RLN1: variants seen among roughly 807,000 people sequenced by gnomAD.
RLN1 encodes relaxin 1, also known as prorelaxin H1.
RLN1 carries 4 observed loss-of-function variants against 7.2 expected under a neutral mutation model. That is an observed-to-expected ratio of 0.56 (90% CI 0.28 to 1.28). RLN1 has a LOEUF of 1.28. Ranked by LOEUF, RLN1 falls within the 50% of genes most tolerant of loss-of-function variation. The pLI is 0.11. For missense variants in RLN1, 293 were observed against 221.1 expected, an observed-to-expected ratio of 1.32 and a Z score of -2.06; for synonymous variants, 105 against 86.0, an observed-to-expected ratio of 1.22 and a Z score of -1.22.
rs746827168 is a variant in RLN1 at position 5,339,542 on chromosome 9, C to CT, written c.204dup (p.Val69SerfsTer25). The stretch of plus-strand genomic sequence containing the variant: ...AGGGGGCGGGAGCTCTCACCTGCCA[C>CT]TGGTCTAGGTGTCTGAGGAGCATCT... On this transcript the variant is annotated frameshift_variant, in exon 1 of 2. Coordinates refer to ENST00000223862, the MANE Select transcript of RLN1 (RefSeq NM_006911.4). LOFTEE classifies it low-confidence loss of function (END_TRUNC). 57 of 1,583,266 alleles carry CT rather than the reference C, an allele frequency of 3.6e-5. No homozygotes were observed. Among genetic ancestry groups the CT allele is most frequent in the Non-Finnish European group, 4.5e-5 (53 of 1,167,916 alleles).
At chr9:5,340,910 T>G (rs1217281685), upstream of RLN1, among the ~76,000 whole-genome samples, 1 of 152,194 alleles carries the variant, frequency 6.6e-6, no homozygotes, top group African/African-American at 2.4e-5. Flanking sequence ...TGAAATAAAA[T>G]AATAACAATC....
At chr9:5,340,307 C>G (rs957808051), upstream of RLN1, among the ~76,000 whole-genome samples, 2 of 152,164 alleles carry the variant, frequency 1.3e-5, no homozygotes, top group Non-Finnish European at 2.9e-5. Flanking sequence ...AGAGGGAAAA[C>G]TGATGACTTT....
At chr9:5,336,616 T>C (rs987800683) in intron 1 of RLN1, among the ~76,000 whole-genome samples, 4 of 152,106 alleles carry the variant, frequency 2.6e-5, no homozygotes, top group African/African-American at 9.7e-5. Context: ...CTAAACTCTC[T>C]CCTAACCTTA....
At chr9:5,340,887 G>A (rs768472053), upstream of RLN1, among the ~76,000 whole-genome samples, 6 of 152,184 alleles carry the variant, frequency 3.9e-5, no homozygotes, top group South Asian at 2.1e-4. Context: ...CATGCAGGAC[G>A]TTATGGTAGC....
Position 5,339,712 on chromosome 9 carries a change from A to G in RLN1, c.35T>C (p.Phe12Ser), listed in dbSNP as rs946185115. The G allele has an allele frequency of 6.2e-7, 1 of 1,613,350 alleles. No individual in the cohort carries two copies. The highest frequency in any genetic ancestry group is 1.7e-5 in the Admixed American group (1 of 60,000). ...PRLFLFHLLE[F>S]CLLLNQFSRA... ...GGAAAATTGGTTCAGTAGTAAACAG[A>G]ATTCTAGCAGGTGGAACAAGAACAG... Residue 12 changes from phenylalanine (F) to serine (S), a missense_variant, in exon 1 of 2, where the codon TTC (phenylalanine) becomes TCC (serine). Phe to Ser is a radical substitution (Grantham distance 155). Coordinates refer to ENST00000223862, the MANE Select transcript of RLN1 (RefSeq NM_006911.4).
In RLN1 at chr9:5,336,900, G is replaced by A. The variant is rs1211969713; in HGVS notation, c.212-1303C>T. Among the ~76,000 whole-genome samples the A allele has an allele frequency of 1.3e-5, 2 of 151,964 alleles. 1 individual carries two copies. Among genetic ancestry groups the A allele is most frequent in the Non-Finnish European group, 2.9e-5 (2 of 68,010 alleles). Reference sequence around the variant, plus strand: ...CCTAGACAGCGGTAGTTCTGGGGCTGATCATTTCCTGAGTTTTGTGGCAAA... The same window carrying A: ...CCTAGACAGCGGTAGTTCTGGGGCTAATCATTTCCTGAGTTTTGTGGCAAA... On this transcript the variant is annotated intron_variant, in intron 1 of 1. Transcript: ENST00000223862.
intron 1 of RLN1, among the ~76,000 whole-genome samples, chr9:5,337,065 A>G (rs1246713022): frequency 6.6e-6 from 1 of 152,082 alleles, no homozygotes; most frequent in East Asian, 1.9e-4. Context: ...GCTCATCCAC[A>G]TTCTAAACTG....
chr9:5,337,179 G>A (rs984813372), intron 1 of RLN1, among the ~76,000 whole-genome samples: 1 of 151,722 alleles, frequency 6.6e-6, no homozygotes, highest in African/African-American at 2.4e-5. Context: ...TCATAAAAAC[G>A]TCTCTGTGCT....
rs541773959 is a variant in RLN1 at position 5,335,550 on chromosome 9, T to C, written c.259A>G (p.Met87Val). 14 of 1,611,988 alleles carry C rather than the reference T, an allele frequency of 8.7e-6. No homozygotes were observed. In the South Asian group the frequency reaches 1.1e-4, roughly 13 times the overall value. Residue 87 changes from methionine (M) to valine (V), a missense_variant, in exon 2 of 2, where the codon ATG becomes GTG. Transcript: ENST00000223862. ...INKDTETIII[M>V]LEFIANLPPE... is the part of the protein sequence containing the mutation. ...GGCAAATTAGCAATGAATTCCAACA[T>C]GATAATTATAGTTTCTGTATCTTTG...
In RLN1 at chr9:5,339,739, C is replaced by G; in HGVS notation, c.8G>C (p.Arg3Pro). MP[R>P]LFLFHLLEFC... ...TTCTAGCAGGTGGAACAAGAACAGGCGAGGCATCCTGGGCCTGGTCTCTCC... is the reference window on the plus strand; with the variant it reads ...TTCTAGCAGGTGGAACAAGAACAGGGGAGGCATCCTGGGCCTGGTCTCTCC... Residue 3 changes from arginine to proline, a missense_variant, in exon 1 of 2, where the codon CGC becomes CCC. Arg to Pro is a moderately radical substitution (Grantham distance 103). Coordinates refer to ENST00000223862, the MANE Select transcript of RLN1 (RefSeq NM_006911.4). 2 of 1,613,576 alleles carry G rather than the reference C, an allele frequency of 1.2e-6. No homozygotes were observed. The highest frequency in any genetic ancestry group is 1.7e-6 in the Non-Finnish European group (2 of 1,180,004).
chr9:5,337,257 T>A (rs1249113647), intron 1 of RLN1, among the ~76,000 whole-genome samples: 2 of 152,102 alleles, frequency 1.3e-5, no homozygotes, highest in African/African-American at 2.4e-5. Flanking sequence ...ATTTTCTGTA[T>A]ACTTAAAGCC....
intron 1 of RLN1, among the ~76,000 whole-genome samples, chr9:5,336,362 A>G (rs2131031871): frequency 6.6e-6 from 1 of 152,148 alleles, no homozygotes; most frequent in East Asian, 1.9e-4. Context: ...CAGATCATGC[A>G]CTATGCAAGA....
rs550779881 is a variant in RLN1 at position 5,335,223 on chromosome 9, A to C, written c.*28T>G. ...GTCATCAAGACTATGTGTGAAAATT[A>C]GACAAGATGTGCACAATTAGCTTCA... On this transcript the variant is annotated 3_prime_UTR_variant, in exon 2 of 2. Transcript: ENST00000223862. The C allele has an allele frequency of 7.1e-7, 1 of 1,408,600 alleles. No individual in the cohort carries two copies. The highest frequency in any genetic ancestry group is 1.4e-5 in the South Asian group (1 of 73,026). The allele number at this position is 1,408,600 out of a possible 1,614,324, so 87.3% of individuals were successfully genotyped here. A position where few individuals can be genotyped will look rare whatever the true frequency, so the allele number is the denominator to read the frequency against.
chr9:5,339,541 A>G lies in RLN1; in HGVS notation c.206T>C (p.Val69Ala), dbSNP rs1816947897. The G allele has an allele frequency of 6.3e-6, 10 of 1,580,978 alleles. No homozygotes were observed. Among genetic ancestry groups the G allele is most frequent in the Non-Finnish European group, 7.7e-6 (9 of 1,166,502 alleles). The change falls in exon 1 of 2, where the codon GTG becomes GCG. Residue 69 changes from valine (V) to alanine (A), a missense_variant. Coordinates refer to ENST00000223862, the MANE Select transcript of RLN1 (RefSeq NM_006911.4). The part of the protein sequence containing the change: ...QEDAPQTPRP[V>A]AEIVPSFINK... ...GAGGGGGCGGGAGCTCTCACCTGCC[A>G]CTGGTCTAGGTGTCTGAGGAGCATC...
chr9:5,339,843 C>G lies in RLN1; in HGVS notation c.-97G>C, dbSNP rs1816956406. On this transcript the variant is annotated 5_prime_UTR_variant, in exon 1 of 2. Coordinates refer to ENST00000223862, the MANE Select transcript of RLN1 (RefSeq NM_006911.4). Reference sequence around the variant, plus strand: ...CCTGGGCCTGTGTGCCTGTCCCGGGCTTTAGGCTGCTTTCCCTACCCGGCT... The same window carrying G: ...CCTGGGCCTGTGTGCCTGTCCCGGGGTTTAGGCTGCTTTCCCTACCCGGCT... 3.2e-6 allele frequency: 4 copies of G among 1,242,146 alleles called. No homozygotes were observed. The Admixed American group carries it at 7.6e-5, about 23-fold the overall frequency. The allele number at this position is 1,242,146 out of a possible 1,614,324, so 76.9% of individuals were successfully genotyped here. A position where few individuals can be genotyped will look rare whatever the true frequency, so the allele number is the denominator to read the frequency against.
Position 5,335,445 on chromosome 9 carries a change from A to C in RLN1, c.364T>G (p.Ser122Ala). Reference protein sequence around the residue: ...LQQYVPALKDSNLSFEEFKKL... With the variant: ...LQQYVPALKDANLSFEEFKKL... Reference sequence around the variant, plus strand: ...TTAAATTCTTCAAAGCTAAGATTGGAATCCTTTAATGCAGGTACATACTGC... The same window carrying C: ...TTAAATTCTTCAAAGCTAAGATTGGCATCCTTTAATGCAGGTACATACTGC... Residue 122 changes from serine (S) to alanine (A), a missense_variant, in exon 2 of 2, where the codon TCC (serine) becomes GCC (alanine). Coordinates refer to ENST00000223862, the MANE Select transcript of RLN1 (RefSeq NM_006911.4). 1 of 1,613,776 alleles carries C rather than the reference A, an allele frequency of 6.2e-7. No homozygotes were observed. The highest frequency in any genetic ancestry group is 1.3e-5 in the African/African-American group (1 of 74,944).
chr9:5,337,495 C>G (rs186302972), intron 1 of RLN1, among the ~76,000 whole-genome samples: 1 of 152,054 alleles, frequency 6.6e-6, no homozygotes, highest in East Asian at 1.9e-4. Context: ...AAATAGATCT[C>G]TGGTTTAAAG....
intron 1 of RLN1, chr9:5,339,279 A>G: frequency 6.0e-6 from 2 of 335,568 alleles, no homozygotes; most frequent in Non-Finnish European, 1.0e-5. Context: ...GCACCAAGGA[A>G]CTCTCGGGTG....
upstream of RLN1, among the ~76,000 whole-genome samples, chr9:5,340,028 G>C (rs1464256495): frequency 6.6e-6 from 1 of 152,002 alleles, no homozygotes; most frequent in Non-Finnish European, 1.5e-5. Flanking sequence ...CCCTTTTACA[G>C]TTTTGTTTTT....
Sources: allele counts gnomAD v4.1 joint callset (sites outside exome capture counted in the v4.1 genomes callset), GRCh38; gene constraint gnomAD v4.1.1; transcripts MANE v1.5; gene names NCBI Gene and HGNC (gene_info 2026-07-23, HGNC 2026-07-21).